Variants in BIVM observed in about 807,000 individuals in gnomAD.
BIVM encodes the protein basic immunoglobulin-like variable motif-containing protein.
BIVM carries 31 observed loss-of-function variants against 61.4 expected under a neutral mutation model. The observed-to-expected ratio is 0.51, with a 90% CI of 0.38 to 0.68. The LOEUF (loss-of-function observed/expected upper bound fraction) is 0.68. BIVM is among the 30% of genes least tolerant of loss of function. The pLI, the probability that BIVM is intolerant of heterozygous loss-of-function variation, is 0.00. For synonymous variants in BIVM, 189 were observed against 210.7 expected, an observed-to-expected ratio of 0.90 and a Z score of 0.89; for missense variants, 526 against 596.0, an observed-to-expected ratio of 0.88 and a Z score of 1.22.
intron 8 of BIVM, among the ~76,000 whole-genome samples, chr13:102,833,464 A>T (rs1881261278): frequency 6.6e-6 from 1 of 151,712 alleles, no homozygotes; most frequent in South Asian, 2.1e-4. Context: ...AGTAGCTGGA[A>T]CTACAGGTAC....
intron 9 of BIVM, among the ~76,000 whole-genome samples, chr13:102,836,633 G>A (rs1198689655): frequency 6.6e-6 from 1 of 152,126 alleles, no homozygotes; most frequent in East Asian, 1.9e-4. Context: ...TTTTGTGTGT[G>A]GTATGTGGTA....
intron 3 of BIVM, among the ~76,000 whole-genome samples, chr13:102,814,421 C>T (rs997466924): frequency 6.6e-6 from 1 of 152,004 alleles, no homozygotes; most frequent in Non-Finnish European, 1.5e-5. Context: ...CGAGATTCAA[C>T]AAAAAGAGAA....
At position 102,839,918 on chromosome 13, in the gene BIVM, A is replaced by C. The variant is rs902760612; in HGVS notation, c.*53A>C. ...TATATATGAAACTGCTATATACAGG[A>C]CTGTATAAAGACAGTAGAAGATTTT... On this transcript the variant is annotated 3_prime_UTR_variant, in exon 11 of 11. Coordinates refer to ENST00000257336, the MANE Select transcript of BIVM (RefSeq NM_017693.4). The C allele has an allele frequency of 1.3e-6, 2 of 1,516,146 alleles. No individual in the cohort carries two copies. Among genetic ancestry groups the C allele is most frequent in the Non-Finnish European group, 1.8e-6 (2 of 1,124,916 alleles). 93.9% of individuals were successfully genotyped at this position (1,516,146 alleles called of 1,614,324 possible).
intron 3 of BIVM, among the ~76,000 whole-genome samples, chr13:102,813,697 T>G (rs1879657398): frequency 6.6e-6 from 1 of 152,224 alleles, no homozygotes; most frequent in Admixed American, 6.5e-5. Context: ...GGTATATTCC[T>G]TCAAAGTGTT....
chr13:102,821,906 G>A lies in BIVM; in HGVS notation c.806+59G>A, dbSNP rs956652646. 12 of 1,571,920 alleles carry A rather than the reference G, an allele frequency of 7.6e-6. No individual in the cohort carries two copies. In the African/African-American group the frequency reaches 1.5e-4, roughly 20 times the overall value. ...TCTAGTTTTGCAAAATAATAATGAT[G>A]TAGATGTGTGTTGATAGTAAACCAT... is the stretch of plus-strand genomic sequence containing the variant. On this transcript the variant is annotated intron_variant, in intron 6 of 10. Transcript: ENST00000257336.
intron 7 of BIVM, among the ~76,000 whole-genome samples, chr13:102,829,261 T>C (rs1461808751): frequency 6.6e-6 from 1 of 152,136 alleles, no homozygotes; most frequent in East Asian, 1.9e-4. Context: ...GTAAGAAACA[T>C]AATCTCAAAG....
At chr13:102,828,486 C>T (rs1370997284) in intron 7 of BIVM, among the ~76,000 whole-genome samples, 1 of 152,186 alleles carries the variant, frequency 6.6e-6, no homozygotes, top group Admixed American at 6.5e-5. Context: ...ATTGTTGTTA[C>T]CAGCTTACTG....
intron 3 of BIVM, among the ~76,000 whole-genome samples, chr13:102,808,664 G>A (rs1296431516): frequency 6.6e-6 from 1 of 152,038 alleles, no homozygotes; most frequent in Admixed American, 6.6e-5. Flanking sequence ...TGGAATTAGG[G>A]CTATGCAAAT....
In BIVM at chr13:102,821,744, C is replaced by T. The variant is rs760367516; in HGVS notation, c.703C>T (p.Leu235Phe). ...AGGCAATGAATGTTTCTTTTGTAGC[C>T]TTCCACCTATTACCCAAGAAGAAGC... ...FLYSTMGAGN[L>F]PPITQEEALH... Residue 235 changes from leucine to phenylalanine, a missense_variant and splice_region_variant, in exon 6 of 11, where the codon CTT (leucine) becomes TTT (phenylalanine). Leu to Phe is a conservative substitution (Grantham distance 22, BLOSUM62 0). Around this residue, in one of 3 missense-constraint regions of BIVM, gnomAD observed 312 missense variants for 343.8 expected, o/e 0.91. Coordinates refer to ENST00000257336, the MANE Select transcript of BIVM (RefSeq NM_017693.4). The T allele has an allele frequency of 6.2e-6, 10 of 1,612,528 alleles. No individual in the cohort carries two copies. Among genetic ancestry groups the T allele is most frequent in the East Asian group, 4.5e-5 (2 of 44,824 alleles).
intron 5 of BIVM, 45 bp from the exon 6 acceptor site, chr13:102,821,698 T>C: frequency 6.4e-7 from 1 of 1,573,318 alleles, no homozygotes. Context: ...TATTTGCGTA[T>C]GACTGGAATT....
Position 102,838,541 on chromosome 13 carries a change from T to C in BIVM, c.1122-102T>C, listed in dbSNP as rs530540510. 7.9e-6 allele frequency: 7 copies of C among 887,480 alleles called. No homozygotes were observed. The South Asian group carries it at 1.3e-4, about 16-fold the overall frequency. The allele number at this position is 887,480 out of a possible 1,614,324, so 55.0% of individuals were successfully genotyped here. A position where few individuals can be genotyped will look rare whatever the true frequency, so the allele number is the denominator to read the frequency against. ...GAGATAAGAGAATTACTGCCAATTA[T>C]TGCTGTGATAATATTGCAGCAACTT... On this transcript the variant is annotated intron_variant, in intron 9 of 10. Transcript: ENST00000257336.
intron 8 of BIVM, 129 bp downstream of exon 8, chr13:102,831,826 G>A (rs1343856898): frequency 9.1e-6 from 8 of 877,690 alleles, no homozygotes; most frequent in African/African-American, 1.8e-5. Context: ...TCAGAAGATC[G>A]AGACCATCCT....
intron 1 of BIVM, among the ~76,000 whole-genome samples, chr13:102,800,038 T>C (rs998625469): frequency 2.0e-5 from 3 of 152,094 alleles, no homozygotes; most frequent in African/African-American, 7.2e-5. Context: ...CGGAGCCGCC[T>C]CCTCTGCCTG....
intron 7 of BIVM, among the ~76,000 whole-genome samples, chr13:102,831,303 A>G (rs1163278215): frequency 6.6e-6 from 1 of 152,228 alleles, no homozygotes; most frequent in Non-Finnish European, 1.5e-5. Context: ...TATGTGTGTT[A>G]TTAGAAGGTT....
At chr13:102,806,328 C>A (rs1879078654) in intron 2 of BIVM, among the ~76,000 whole-genome samples, 1 of 152,168 alleles carries the variant, frequency 6.6e-6, no homozygotes, top group African/African-American at 2.4e-5. Flanking sequence ...CGGCTCACTG[C>A]AACCTCTACC....
At chr13:102,801,097 A>G (rs1159600141) in intron 1 of BIVM, among the ~76,000 whole-genome samples, 1 of 152,246 alleles carries the variant, frequency 6.6e-6, no homozygotes, top group Non-Finnish European at 1.5e-5. Flanking sequence ...ACTTTGAACA[A>G]TCATGACTCT....
chr13:102,799,702 C>T (rs2139118090), intron 1 of BIVM, among the ~76,000 whole-genome samples, 181 bp downstream of exon 1: 1 of 152,368 alleles, frequency 6.6e-6, no homozygotes, highest in African/African-American at 2.4e-5. Context: ...GGGTCATCGC[C>T]TCTCCGAGCC....
chr13:102,818,057 A>G (rs1879996803), intron 4 of BIVM, among the ~76,000 whole-genome samples: 1 of 152,202 alleles, frequency 6.6e-6, no homozygotes, highest in East Asian at 1.9e-4. Flanking sequence ...CTAATTAACC[A>G]TGAAAGGAGG....
In BIVM at chr13:102,839,638, A is replaced by C; in HGVS notation, c.1285A>C (p.Asn429His). ...TAACTGGCAAAGATTTGGCCTTTGGAACTTTCCATTTGGAACCATTAGACA... is the reference window on the plus strand; with the variant it reads ...TAACTGGCAAAGATTTGGCCTTTGGCACTTTCCATTTGGAACCATTAGACA... ...RLNWQRFGLW[N>H]FPFGTIRQES... The change falls in exon 11 of 11, where the codon AAC becomes CAC. Residue 429 changes from asparagine to histidine, a missense_variant. By Grantham distance (68) the Asn-to-His change is moderately conservative. Coordinates refer to ENST00000257336, the MANE Select transcript of BIVM (RefSeq NM_017693.4). 1 of 1,614,162 alleles carries C rather than the reference A, an allele frequency of 6.2e-7. No homozygotes were observed. Among genetic ancestry groups the C allele is most frequent in the Non-Finnish European group, 8.5e-7 (1 of 1,180,036 alleles).
Sources: gnomAD v4.1 joint callset for allele counts (sites outside exome capture counted in the v4.1 genomes callset) on GRCh38, gnomAD v4.1.1 for gene constraint, gnomAD v4.1.1 regional missense constraint, MANE v1.5 for transcripts, NCBI Gene and HGNC (gene_info 2026-07-23, HGNC 2026-07-21) for gene names.